The following LYST variants were observed in gnomAD, a reference collection of about 807,000 sequenced individuals.
LYST encodes the protein lysosomal trafficking regulator.
In LYST, 192 loss-of-function variants were observed where a neutral mutation model predicts 413.6. The observed-to-expected ratio is 0.46, with a 90% confidence interval of 0.41 to 0.52. The LOEUF (loss-of-function observed/expected upper bound fraction) is 0.52, where lower values mean the gene tolerates loss of function less well. LYST is among the 20% of genes least tolerant of loss of function. The pLI, the probability that LYST is intolerant of heterozygous loss-of-function variation, is 0.00. For missense variants in LYST, 3,815 were observed against 4,499.9 expected (o/e 0.85, Z 4.35); for synonymous variants, 1,525 against 1,567.3 (o/e 0.97, Z 0.64).
chr1:235,690,136 A>G (rs1377167160), intron 47 of LYST, among the ~76,000 whole-genome samples: 1 of 152,188 alleles, frequency 6.6e-6, no homozygotes, highest in African/African-American at 2.4e-5. Context: ...ACTGATGATG[A>G]TTTCATTTTT....
At chr1:235,870,890 A>G (rs546206230), upstream of LYST, among the ~76,000 whole-genome samples, 23 of 152,256 alleles carry the variant, frequency 1.5e-4, no homozygotes, top group African/African-American at 5.5e-4. Flanking sequence ...GAGCTGGACA[A>G]TCTTAATGCC....
Position 235,746,392 on chromosome 1 carries a change from A to T in LYST, c.7916T>A (p.Leu2639His), listed in dbSNP as rs915990956. Residue 2639 changes from leucine (L) to histidine (H), a missense_variant, in exon 29 of 53, where the codon CTT becomes CAT. By Grantham distance (99) the Leu-to-His change is moderately conservative (BLOSUM62 -3). Around this residue, in one of 4 missense-constraint regions of LYST, gnomAD observed 771 missense variants for 837.1 expected, o/e 0.92. Coordinates refer to ENST00000389793, the MANE Select transcript of LYST (RefSeq NM_000081.4). ...AGTGAGCCTCTGTAGTCTCTGCGCA[A>T]GTTCCGTTTCAGTTGCTTGGCTAGG... The part of the protein sequence containing the change: ...ENPSQATETE[L>H]AQRLQRLTVL... 4 of 1,613,970 alleles carry T rather than the reference A, an allele frequency of 2.5e-6. No homozygotes were observed. The highest frequency in any genetic ancestry group is 3.4e-6 in the Non-Finnish European group (4 of 1,179,930).
intron 4 of LYST, 31 bp downstream of exon 4, chr1:235,812,940 A>C: frequency 7.3e-7 from 1 of 1,378,998 alleles, no homozygotes; most frequent in South Asian, 1.2e-5. Context: ...TTTTGATAAC[A>C]CAAGTGATAT....
Position 235,833,629 on chromosome 1 carries a change from A to C in LYST, c.-59T>G. On this transcript the variant is annotated 5_prime_UTR_variant, in exon 2 of 53. Coordinates refer to ENST00000389793, the MANE Select transcript of LYST (RefSeq NM_000081.4). Reference sequence around the variant, plus strand: ...TACAGTCTATATCATTTGGACTCATAAACTAGATGAAACAAATATTCTTAG... The same window carrying C: ...TACAGTCTATATCATTTGGACTCATCAACTAGATGAAACAAATATTCTTAG... The C allele has an allele frequency of 2.1e-6, 2 of 944,736 alleles. No homozygotes were observed. The highest frequency in any genetic ancestry group is 2.5e-6 in the Non-Finnish European group (2 of 792,780). 58.5% of individuals were successfully genotyped at this position (944,736 alleles called of 1,614,324 possible). A position where few individuals can be genotyped will look rare whatever the true frequency, so the allele number is the denominator to read the frequency against.
At chr1:235,837,639 A>T (rs901094437) in intron 1 of LYST, among the ~76,000 whole-genome samples, 5 of 151,730 alleles carry the variant, frequency 3.3e-5, no homozygotes, top group African/African-American at 1.2e-4. Context: ...AAAAAAAAAA[A>T]AGAATTCTGA....
At chr1:235,883,398 A>C (rs1681461640) in exon 1 of LYST, 1 of 152,666 alleles carries the variant, frequency 6.6e-6, no homozygotes, top group African/African-American at 2.4e-5. Context: ...GGTTGAGTCA[A>C]ACAGCCCAAA....
chr1:235,802,709 A>G (rs1672379402), intron 8 of LYST, among the ~76,000 whole-genome samples, 199 bp downstream of exon 8: 1 of 152,228 alleles, frequency 6.6e-6, no homozygotes, highest in African/African-American at 2.4e-5. Context: ...CACTCAGATG[A>G]TGTTTGTGAT....
intron 3 of LYST, among the ~76,000 whole-genome samples, chr1:235,818,637 TA>T (rs760345150): frequency 0.018 from 2,579 of 146,178 alleles, 64 homozygotes; most frequent in African/African-American, 0.056. Context: ...CATGGTCTTT[TA>T]AAAAAAAAAA....
chr1:235,752,412 T>C (rs924492932), intron 26 of LYST, among the ~76,000 whole-genome samples: 2 of 152,130 alleles, frequency 1.3e-5, no homozygotes, highest in Non-Finnish European at 2.9e-5. Context: ...TACAGAGAAC[T>C]GGACAAGTAA....
chr1:235,830,737 A>G (rs1675887707), intron 2 of LYST, among the ~76,000 whole-genome samples: 1 of 152,170 alleles, frequency 6.6e-6, no homozygotes, highest in African/African-American at 2.4e-5. Flanking sequence ...AATACAATAA[A>G]AATAAACCCA....
At chr1:235,688,962 C>A (rs1660423166) in intron 47 of LYST, among the ~76,000 whole-genome samples, 1 of 149,788 alleles carries the variant, frequency 6.7e-6, no homozygotes, top group African/African-American at 2.4e-5. Flanking sequence ...TCCAGCCTGG[C>A]AACAGAGTGA....
chr1:235,709,655 T>C (rs1416905684), intron 43 of LYST, among the ~76,000 whole-genome samples: 1 of 150,244 alleles, frequency 6.7e-6, no homozygotes, highest in Non-Finnish European at 1.5e-5. Context: ...TAAATATCTA[T>C]TCAATTGTAA....
intron 1 of LYST, among the ~76,000 whole-genome samples, chr1:235,872,668 C>G (rs1680986725): frequency 6.6e-6 from 1 of 152,040 alleles, no homozygotes; most frequent in Non-Finnish European, 1.5e-5. Context: ...TACCTGTAAT[C>G]CCAGCTCTTT....
intron 3 of LYST, among the ~76,000 whole-genome samples, chr1:235,822,204 G>GCCCATA (rs1674821963): frequency 6.6e-6 from 1 of 152,154 alleles, no homozygotes; most frequent in Non-Finnish European, 1.5e-5. Context: ...GTATATTATG[G>GCCCATA]GCTAATTGTT....
chr1:235,758,548 C>A (rs1667263786), intron 23 of LYST, among the ~76,000 whole-genome samples: 1 of 152,166 alleles, frequency 6.6e-6, no homozygotes, highest in Admixed American at 6.6e-5. Flanking sequence ...CCTTCTGGAG[C>A]CGTCACTTGT....
chr1:235,726,037 T>C (rs1269584903), intron 38 of LYST, among the ~76,000 whole-genome samples: 1 of 152,176 alleles, frequency 6.6e-6, no homozygotes, highest in Non-Finnish European at 1.5e-5. Context: ...AATAGAGAAA[T>C]AATGAAAAGT....
intron 18 of LYST, 78 bp downstream of exon 18, chr1:235,774,835 C>T (rs553825171): frequency 1.9e-4 from 187 of 960,824 alleles, no homozygotes; most frequent in Non-Finnish European, 2.9e-4. Flanking sequence ...AAATACAAAA[C>T]TATTATTGGA....
chr1:235,856,054 T>C lies in LYST; in HGVS notation c.-98+10789A>G, dbSNP rs997579383. Among the ~76,000 whole-genome samples the C allele has an allele frequency of 7.8e-4, 118 of 152,100 alleles. 1 individual carries two copies. The highest frequency in any genetic ancestry group is 2.8e-3 in the African/African-American group (114 of 41,434). On this transcript the variant is annotated intron_variant, in intron 1 of 52. Coordinates refer to ENST00000389793, the MANE Select transcript of LYST (RefSeq NM_000081.4). ...ACAGAACAGAAATAAGAAAGAAATA[T>C]ATATAAATATTTTCTGAGCACAGGC...
chr1:235,813,702 A>G (rs12058222), intron 3 of LYST, among the ~76,000 whole-genome samples: 1,815 of 152,342 alleles, frequency 0.012, 35 homozygotes, highest in African/African-American at 0.042. Context: ...GGCATGTAGT[A>G]TGAGTAAGTA....
Sources: gnomAD v4.1 joint callset for allele counts (sites outside exome capture counted in the v4.1 genomes callset) on GRCh38, gnomAD v4.1.1 for gene constraint, gnomAD v4.1.1 regional missense constraint, MANE v1.5 for transcripts, NCBI Gene and HGNC (gene_info 2026-07-23, HGNC 2026-07-21) for gene names.